The following LASP1 variants were observed in gnomAD, a reference collection of about 807,000 sequenced individuals.
The protein encoded by LASP1 is LIM and SH3 protein 1.
In LASP1, 10 loss-of-function variants were observed where a neutral mutation model predicts 38.6. The observed-to-expected ratio is 0.26, with a 90% CI of 0.16 to 0.44. LASP1 has a LOEUF of 0.44. LASP1 is among the 20% of genes least tolerant of loss of function. The probability of loss-of-function intolerance (pLI) is 1.00; values close to 1 mark genes in which losing one functional copy is unlikely to be tolerated. For synonymous variants in LASP1, 132 were observed against 140.8 expected (o/e 0.94, Z 0.44); for missense variants, 243 against 375.7 (o/e 0.65, Z 2.92).
chr17:38,873,995 G>A (rs1227865192), intron 1 of LASP1: 2 of 150,188 alleles, frequency 1.3e-5, no homozygotes, highest in Non-Finnish European at 3.0e-5. Context: ...GCAGGCTTCT[G>A]CCCCTACCAG....
intron 2 of LASP1, 45 bp downstream of exon 2, chr17:38,878,225 C>T (rs771627068): frequency 5.5e-5 from 72 of 1,314,670 alleles, no homozygotes; most frequent in Non-Finnish European, 7.6e-5. Flanking sequence ...ACCTTGGCTC[C>T]CTCCCCGAGT....
At chr17:38,901,453 G>T (rs535811841) in intron 4 of LASP1, among the ~76,000 whole-genome samples, 19 of 152,228 alleles carry the variant, frequency 1.2e-4, no homozygotes, top group Non-Finnish European at 2.2e-4. Flanking sequence ...GGGTGTGAAT[G>T]CAAAGCCTGG....
At chr17:38,888,736 G>A (rs570412168) in intron 2 of LASP1, among the ~76,000 whole-genome samples, 1 of 152,234 alleles carries the variant, frequency 6.6e-6, no homozygotes, top group Non-Finnish European at 1.5e-5. Flanking sequence ...AGTTAATTAT[G>A]AAGACTGCTA....
At chr17:38,870,678 CG>C (rs950251663) in intron 1 of LASP1, among the ~76,000 whole-genome samples, 3 of 24,562 alleles carry the variant, frequency 1.2e-4, no homozygotes, top group Admixed American at 1.0e-3. Flanking sequence ...GTGGAGGGGG[CG>C]GGGGGGCGGG....
chr17:38,903,010 G>A lies in LASP1; in HGVS notation c.357+4491G>A, dbSNP rs546695698. 8.5e-5 allele frequency among the ~76,000 whole-genome samples: 13 copies of A among 152,230 alleles called. No homozygotes were observed. The East Asian group carries it at 2.5e-3, about 29-fold the overall frequency. On this transcript the variant is annotated intron_variant, in intron 4 of 6. Coordinates refer to ENST00000318008, the MANE Select transcript of LASP1 (RefSeq NM_006148.4). Reference sequence around the variant, plus strand: ...GAGCCACTGTGCCCAGCTGACTCCAGTTATTTCTAAAGGTCAGGCCATCTT... The same window carrying A: ...GAGCCACTGTGCCCAGCTGACTCCAATTATTTCTAAAGGTCAGGCCATCTT...
At chr17:38,899,402 C>T (rs572167206) in intron 4 of LASP1, among the ~76,000 whole-genome samples, 3 of 152,186 alleles carry the variant, frequency 2.0e-5, no homozygotes, top group Admixed American at 6.5e-5. Context: ...TAGAGATTGC[C>T]GGGGGAGCCT....
rs1436184988 is a variant in LASP1, at chr17:38,870,084, C to G, written c.-106C>G. Reference sequence around the variant, plus strand: ...CCAGTTCCCCAGCTCCAGCCGCCGTCGCTGCTGCCTGTGTAGTTGCAGCCG... The same window carrying G: ...CCAGTTCCCCAGCTCCAGCCGCCGTGGCTGCTGCCTGTGTAGTTGCAGCCG... On this transcript the variant is annotated 5_prime_UTR_variant, in exon 1 of 7. Coordinates refer to ENST00000318008, the MANE Select transcript of LASP1 (RefSeq NM_006148.4). 3 of 1,224,694 alleles carry G rather than the reference C, an allele frequency of 2.4e-6. No individual in the cohort carries two copies. Among genetic ancestry groups the G allele is most frequent in the Non-Finnish European group, 3.5e-6 (3 of 851,054 alleles). 75.9% of individuals were successfully genotyped at this position (1,224,694 alleles called of 1,614,324 possible).
chr17:38,886,359 GCTGT>G (rs1598108193), intron 2 of LASP1, among the ~76,000 whole-genome samples: 1 of 152,106 alleles, frequency 6.6e-6, no homozygotes, highest in East Asian at 1.9e-4. Context: ...TATAGCCCAA[GCTGT>G]CTGCCTGCCT....
intron 4 of LASP1, among the ~76,000 whole-genome samples, chr17:38,906,779 C>T (rs549040917): frequency 1.3e-5 from 2 of 152,134 alleles, no homozygotes; most frequent in Non-Finnish European, 2.9e-5. Flanking sequence ...TTGTCATGGA[C>T]CCTAACTTGT....
At chr17:38,888,558 G>C (rs557777998) in intron 2 of LASP1, among the ~76,000 whole-genome samples, 1 of 152,186 alleles carries the variant, frequency 6.6e-6, no homozygotes, top group Non-Finnish European at 1.5e-5. Flanking sequence ...GATTATAGGC[G>C]TGAGCCACCA....
At chr17:38,911,714 C>A (rs566659920) in intron 4 of LASP1, among the ~76,000 whole-genome samples, 2 of 152,174 alleles carry the variant, frequency 1.3e-5, no homozygotes, top group African/African-American at 2.4e-5. Flanking sequence ...CTCCCTCCCC[C>A]ATAAATAGGC....
intron 3 of LASP1, among the ~76,000 whole-genome samples, chr17:38,895,407 G>A (rs141727242): frequency 2.0e-5 from 3 of 151,552 alleles, no homozygotes; most frequent in Non-Finnish European, 2.9e-5. Context: ...TGCAACCTCC[G>A]GCTCCCAGGT....
rs1915219024 is a variant in LASP1 at position 38,918,965 on chromosome 17, C to G, written c.*187C>G. ...CACTTCTGCGGGCTCCCTCCTCTGGCAGGCTTCCCCCTTGATCGACTTCTT... is the reference window on the plus strand; with the variant it reads ...CACTTCTGCGGGCTCCCTCCTCTGGGAGGCTTCCCCCTTGATCGACTTCTT... On this transcript the variant is annotated 3_prime_UTR_variant, in exon 7 of 7. Coordinates refer to ENST00000318008, the MANE Select transcript of LASP1 (RefSeq NM_006148.4). This position sits in a 1 kb window ranked among gnomAD's most constrained non-coding sequence, Gnocchi z 4.4. 1.5e-6 allele frequency: 1 copy of G among 658,236 alleles called. No individual in the cohort carries two copies. The highest frequency in any genetic ancestry group is 2.9e-5 in the Admixed American group (1 of 34,976). 40.8% of individuals were successfully genotyped at this position (658,236 alleles called of 1,614,324 possible).
intron 6 of LASP1, chr17:38,916,046 C>T (rs1226201987): frequency 1.3e-5 from 2 of 152,312 alleles, no homozygotes; most frequent in African/African-American, 2.4e-5. Context: ...TATAAGGTTC[C>T]AGGCAGCCCA....
At chr17:38,881,883 A>T (rs1913962209) in intron 2 of LASP1, among the ~76,000 whole-genome samples, 1 of 152,230 alleles carries the variant, frequency 6.6e-6, no homozygotes, top group South Asian at 2.1e-4. Flanking sequence ...GTTTCTCAAG[A>T]TTCAGATTTA....
In LASP1 at chr17:38,917,747, G is replaced by C. The variant is rs571674354; in HGVS notation, c.613-858G>C. Among the ~76,000 whole-genome samples the C allele has an allele frequency of 2.0e-5, 3 of 151,878 alleles. No homozygotes were observed. The South Asian group carries it at 6.2e-4, about 32-fold the overall frequency. On this transcript the variant is annotated intron_variant, in intron 6 of 6. Transcript: ENST00000318008. ...GCCCAGGCTGGAGTGCAGCAGTGGT[G>C]CAATCACAGCTAGCTCACTGCAGCC...
At position 38,919,568 on chromosome 17, in the gene LASP1, C is replaced by G. The variant is rs1480427558; in HGVS notation, c.*790C>G. The G allele has an allele frequency of 4.0e-6, 1 of 248,624 alleles. No individual in the cohort carries two copies. Among genetic ancestry groups the G allele is most frequent in the Non-Finnish European group, 7.9e-6 (1 of 126,114 alleles). 15.4% of individuals were successfully genotyped at this position (248,624 alleles called of 1,614,324 possible). A position where few individuals can be genotyped will look rare whatever the true frequency, so the allele number is the denominator to read the frequency against. ...CCGCAGCCCCTTTCCCCACGCCCAC[C>G]CCCAGTCTCCAGGGACCCTTGCCTG... On this transcript the variant is annotated 3_prime_UTR_variant, in exon 7 of 7. Coordinates refer to ENST00000318008, the MANE Select transcript of LASP1 (RefSeq NM_006148.4).
intron 3 of LASP1, among the ~76,000 whole-genome samples, chr17:38,890,947 C>T (rs1397403457): frequency 6.6e-6 from 1 of 152,192 alleles, no homozygotes; most frequent in Non-Finnish European, 1.5e-5. Flanking sequence ...GTGAAGGGGG[C>T]CCTGCCATGG....
chr17:38,875,056 C>CGTGTGTGTGTGT (rs3220064), intron 1 of LASP1, among the ~76,000 whole-genome samples: 157 of 140,462 alleles, frequency 1.1e-3, no homozygotes, highest in Middle Eastern at 3.5e-3. Context: ...TGTAGCCCTT[C>CGTGTGTGTGTGT]GTGTGTGTGT....
Sources: allele counts gnomAD v4.1 joint callset (sites outside exome capture counted in the v4.1 genomes callset), GRCh38; gene constraint gnomAD v4.1.1; non-coding constraint Gnocchi (gnomAD v3.1); transcripts MANE v1.5; gene names NCBI Gene and HGNC (gene_info 2026-07-23, HGNC 2026-07-21).